IQCM: variants seen among roughly 807,000 people sequenced by gnomAD.
IQCM encodes IQ domain-containing protein M.
In IQCM, 45 loss-of-function variants were observed where a neutral mutation model predicts 57.6. The observed-to-expected ratio is 0.78, with a 90% confidence interval of 0.62 to 1.00. The LOEUF is 1.00. IQCM is among the 50% of genes least tolerant of loss of function. The pLI is 0.00. For synonymous variants in IQCM, 148 were observed against 158.9 expected (o/e 0.93, Z 0.51); for missense variants, 468 against 511.6 (o/e 0.91, Z 0.82).
intron 2 of IQCM, among the ~76,000 whole-genome samples, chr4:149,749,726 A>G (rs891456341): frequency 6.6e-6 from 1 of 152,198 alleles, no homozygotes; most frequent in African/African-American, 2.4e-5. Flanking sequence ...GTAATTATAT[A>G]TACTTTATTA....
chr4:149,771,738 T>C (rs1171128786), intron 2 of IQCM, among the ~76,000 whole-genome samples: 1 of 152,094 alleles, frequency 6.6e-6, no homozygotes, highest in African/African-American at 2.4e-5. Context: ...TTTACATTCA[T>C]TCATAAACAG....
At chr4:149,726,581 C>T (rs950989843) in intron 5 of IQCM, among the ~76,000 whole-genome samples, 1 of 152,080 alleles carries the variant, frequency 6.6e-6, no homozygotes, top group Non-Finnish European at 1.5e-5. Context: ...TTTATTTCCT[C>T]AATGATCTTA....
intron 8 of IQCM, among the ~76,000 whole-genome samples, chr4:149,608,167 G>C (rs1754966196): frequency 6.6e-6 from 1 of 151,878 alleles, no homozygotes; most frequent in Non-Finnish European, 1.5e-5. Context: ...AAGGAACAAA[G>C]AAGGTTATTA....
At chr4:149,365,405 A>G (rs749751953) in intron 13 of IQCM, among the ~76,000 whole-genome samples, 7 of 152,140 alleles carry the variant, frequency 4.6e-5, no homozygotes, top group Non-Finnish European at 8.8e-5. Flanking sequence ...TCAATAAATA[A>G]ATGGTGAAGA....
Position 149,443,751 on chromosome 4 carries a change from A to G in IQCM, c.1229-10194T>C, listed in dbSNP as rs183312315. ...AAGGAAAGGAAAGGAAAGGAAAGGA[A>G]GAAAACTGGCAAGCCTTCAACCCAT... On this transcript the variant is annotated intron_variant, in intron 12 of 13. Coordinates refer to ENST00000636793, the MANE Select transcript of IQCM (RefSeq NM_001363507.2). 1.1e-3 allele frequency among the ~76,000 whole-genome samples: 161 copies of G among 150,816 alleles called. 1 individual carries two copies. The highest frequency in any genetic ancestry group is 3.7e-3 in the African/African-American group (154 of 41,072).
chr4:149,783,367 A>G (rs1771790368), intron 2 of IQCM, among the ~76,000 whole-genome samples: 1 of 152,200 alleles, frequency 6.6e-6, no homozygotes, highest in Non-Finnish European at 1.5e-5. Flanking sequence ...TCAAAATTAT[A>G]TCTAGAATCT....
intron 5 of IQCM, among the ~76,000 whole-genome samples, chr4:149,727,902 A>T (rs1766097943): frequency 6.6e-6 from 1 of 152,102 alleles, no homozygotes; most frequent in African/African-American, 2.4e-5. Flanking sequence ...TGCTCAGGAG[A>T]GCTGACTGTG....
intron 13 of IQCM, among the ~76,000 whole-genome samples, chr4:149,424,483 T>A (rs1448800092): frequency 6.6e-6 from 1 of 151,804 alleles, no homozygotes; most frequent in African/African-American, 2.4e-5. Context: ...TAAATGTGCA[T>A]CAAAATGTGT....
intron 7 of IQCM, among the ~76,000 whole-genome samples, chr4:149,635,868 C>T (rs1218320625): frequency 1.3e-5 from 2 of 152,032 alleles, no homozygotes. Flanking sequence ...ATCAATTAAT[C>T]AAGCATTTCC....
intron 12 of IQCM, among the ~76,000 whole-genome samples, chr4:149,470,603 C>T (rs1418347797): frequency 6.6e-6 from 1 of 152,154 alleles, no homozygotes; most frequent in African/African-American, 2.4e-5. Flanking sequence ...GAATTGAACT[C>T]AGCTCTGCAC....
At chr4:149,452,895 A>T (rs1328464585) in intron 12 of IQCM, among the ~76,000 whole-genome samples, 2 of 144,448 alleles carry the variant, frequency 1.4e-5, no homozygotes, top group Non-Finnish European at 1.5e-5. Flanking sequence ...AGAGTGGTTT[A>T]AAAAAAAAAA....
intron 13 of IQCM, among the ~76,000 whole-genome samples, chr4:149,371,220 T>G (rs1385924121): frequency 6.6e-6 from 1 of 152,134 alleles, no homozygotes; most frequent in African/African-American, 2.4e-5. Context: ...CTTTGTAACA[T>G]GTAAGCAAAC....
At chr4:149,353,320 A>G (rs1344308764) in intron 13 of IQCM, among the ~76,000 whole-genome samples, 1 of 152,192 alleles carries the variant, frequency 6.6e-6, no homozygotes, top group Non-Finnish European at 1.5e-5. Context: ...GGAAACACTT[A>G]TACACTATTG....
chr4:149,754,871 A>G (rs1768816937), intron 2 of IQCM, among the ~76,000 whole-genome samples: 1 of 152,054 alleles, frequency 6.6e-6, no homozygotes, highest in Non-Finnish European at 1.5e-5. Context: ...CCCCTTGTCT[A>G]TCTCACATCT....
chr4:149,673,921 G>C (rs1221396424), intron 7 of IQCM, among the ~76,000 whole-genome samples: 2 of 152,178 alleles, frequency 1.3e-5, no homozygotes, highest in African/African-American at 4.8e-5. Flanking sequence ...ATACGTATGA[G>C]CCATGAAAGC....
intron 8 of IQCM, among the ~76,000 whole-genome samples, chr4:149,597,380 T>C (rs893043105): frequency 2.0e-5 from 3 of 152,046 alleles, no homozygotes; most frequent in African/African-American, 7.2e-5. Context: ...TTCTTGTTGT[T>C]GTGCTTTTTT....
intron 2 of IQCM, among the ~76,000 whole-genome samples, chr4:149,779,232 ATCC>A (rs1459466380): frequency 3.3e-5 from 5 of 152,180 alleles, no homozygotes; most frequent in African/African-American, 1.2e-4. Flanking sequence ...TCCTATACAA[ATCC>A]TATCAAGATT....
intron 13 of IQCM, among the ~76,000 whole-genome samples, chr4:149,368,771 C>CATAT (rs199541659): frequency 1.4e-5 from 1 of 73,292 alleles, no homozygotes; most frequent in Admixed American, 1.4e-4. Context: ...TATATATATA[C>CATAT]ATATATATAC....
intron 12 of IQCM, among the ~76,000 whole-genome samples, chr4:149,436,404 T>C: frequency 6.6e-6 from 1 of 152,072 alleles, no homozygotes; most frequent in East Asian, 1.9e-4. Context: ...GGAGTGAGTG[T>C]TGAATTTGCA....
Sources: gnomAD v4.1 joint callset for allele counts (sites outside exome capture counted in the v4.1 genomes callset) on GRCh38, gnomAD v4.1.1 for gene constraint, MANE v1.5 for transcripts, NCBI Gene and HGNC (gene_info 2026-07-23, HGNC 2026-07-21) for gene names.